LARS1: variants seen among roughly 807,000 people sequenced by gnomAD.
The protein encoded by LARS1 is leucine--tRNA ligase, cytoplasmic.
In LARS1, 100 loss-of-function variants were observed where a neutral mutation model predicts 162.8. The observed-to-expected ratio is 0.61, with a 90% CI of 0.52 to 0.73. The LOEUF is 0.73. LARS1 is among the 30% of genes least tolerant of loss of function. The probability of loss-of-function intolerance (pLI) is 0.00; values close to 1 mark genes in which losing one functional copy is unlikely to be tolerated. For missense variants in LARS1, 1,258 were observed against 1,408.9 expected (o/e 0.89, Z 1.71); for synonymous variants, 457 against 462.8 (o/e 0.99, Z 0.16).
chr5:146,152,036 C>G (rs751257546), intron 13 of LARS1, 34 bp from the exon 14 acceptor site: 48 of 1,611,694 alleles, frequency 3.0e-5, no homozygotes, highest in Non-Finnish European at 4.1e-5. Flanking sequence ...CGTGTTCACA[C>G]TGACTGGACA....
At chr5:146,127,903 T>A (rs956642985) in intron 27 of LARS1, among the ~76,000 whole-genome samples, 6 of 152,148 alleles carry the variant, frequency 3.9e-5, no homozygotes, top group Non-Finnish European at 1.5e-5. Flanking sequence ...TGGTCTAGAA[T>A]ATCAAAGCTA....
At chr5:146,161,652 C>T (rs1377894567) in intron 6 of LARS1, among the ~76,000 whole-genome samples, 1 of 151,846 alleles carries the variant, frequency 6.6e-6, no homozygotes, top group Non-Finnish European at 1.5e-5. Flanking sequence ...ACTAGGGAGG[C>T]TGAGGCAGGA....
chr5:146,130,121 C>A lies in LARS1; in HGVS notation c.2525G>T (p.Gly842Val), dbSNP rs1752215261. 1.2e-6 allele frequency: 2 copies of A among 1,613,690 alleles called. No homozygotes were observed. The highest frequency in any genetic ancestry group is 1.7e-6 in the Non-Finnish European group (2 of 1,179,766). ...KDKYRELAVE[G>V]MHRELVFRFI... ...CCGGAACACAAGTTCTCTGTGCATC[C>A]CTTCCACAGCCAATTCACGGTACTT... is the stretch of plus-strand genomic sequence containing the variant. The change falls in exon 25 of 32, where the codon GGG (glycine) becomes GTG (valine). Residue 842 changes from glycine (G) to valine (V), a missense_variant. Physicochemically the swap from Gly to Val is moderately radical, Grantham distance 109. Transcript: ENST00000394434.
intron 15 of LARS1, among the ~76,000 whole-genome samples, chr5:146,145,326 C>G (rs1344915482): frequency 2.0e-5 from 3 of 152,062 alleles, no homozygotes; most frequent in African/African-American, 7.2e-5. Context: ...CTCAAGTATT[C>G]CACCTCAGCC....
chr5:146,169,981 C>G (rs530406108), intron 4 of LARS1, among the ~76,000 whole-genome samples: 1 of 152,020 alleles, frequency 6.6e-6, no homozygotes, highest in Non-Finnish European at 1.5e-5. Flanking sequence ...AAGTTAATAC[C>G]TCAACAATGA....
chr5:146,139,362 A>G (rs918124869), intron 21 of LARS1, among the ~76,000 whole-genome samples: 24 of 88,982 alleles, frequency 2.7e-4, no homozygotes, highest in African/African-American at 7.3e-4. Flanking sequence ...AAAAAAAAAG[A>G]AAAAGAAAAA....
chr5:146,117,814 A>C (rs1405216598), intron 31 of LARS1, among the ~76,000 whole-genome samples: 1 of 152,252 alleles, frequency 6.6e-6, no homozygotes, highest in Non-Finnish European at 1.5e-5. Flanking sequence ...TAAGTGAAAT[A>C]AGCTAGACAC....
intron 2 of LARS1, among the ~76,000 whole-genome samples, chr5:146,176,562 C>T (rs996331133): frequency 1.3e-5 from 2 of 151,786 alleles, no homozygotes; most frequent in Admixed American, 6.6e-5. Flanking sequence ...TGTTAACTTA[C>T]TATTATTGTT....
chr5:146,133,229 A>C, intron 22 of LARS1, 148 bp from the exon 23 acceptor site: 1 of 573,716 alleles, frequency 1.7e-6, no homozygotes, highest in South Asian at 3.2e-5. Flanking sequence ...AACAAAAATT[A>C]AAATCACCAA....
chr5:146,122,513 T>C lies in LARS1; in HGVS notation c.3171A>G (p.Pro1057=). 6.2e-7 allele frequency: 1 copy of C among 1,602,562 alleles called. No individual in the cohort carries two copies. The highest frequency in any genetic ancestry group is 1.7e-5 in the Admixed American group (1 of 59,610). ...TTACTTCTATTCTAAAAACATTAAG[T>C]GGTTTCCCAGGACAGCAGTCTTCCC... ...KIREDCCPGK[P]LNVFRIEPGV... is the part of the protein sequence containing the mutation. Residue 1057 remains proline, a synonymous_variant, in exon 30 of 32, where the codon CCA becomes CCG. Transcript: ENST00000394434.
rs181727146 is a variant in LARS1, at chr5:146,175,471, G to A, written c.125+2076C>T. On this transcript the variant is annotated intron_variant, in intron 2 of 31. Transcript: ENST00000394434. ...GGCAGAAAAATCATTGAACCCGGGA[G>A]GCAGAGGTTGCAGTGAGCCGAGATC... Among the ~76,000 whole-genome samples the A allele has an allele frequency of 3.5e-4, 53 of 150,468 alleles. 1 individual carries two copies. The East Asian group carries it at 9.9e-3, about 28-fold the overall frequency.
chr5:146,124,261 T>G (rs1250141901), intron 28 of LARS1, among the ~76,000 whole-genome samples, 175 bp from the exon 29 acceptor site: 1 of 151,920 alleles, frequency 6.6e-6, no homozygotes. Flanking sequence ...TTAATGAAAT[T>G]TACTAGCTCC....
At chr5:146,157,288 T>G (rs896238462) in intron 10 of LARS1, 115 bp downstream of exon 10, 8 of 845,822 alleles carry the variant, frequency 9.5e-6, no homozygotes, top group African/African-American at 3.4e-5. Flanking sequence ...ACTTACACAG[T>G]TTACTGCATG....
intron 1 of LARS1, among the ~76,000 whole-genome samples, chr5:146,179,110 T>C (rs1754722383): frequency 6.6e-6 from 1 of 152,096 alleles, no homozygotes; most frequent in South Asian, 2.1e-4. Context: ...CATGCGCCTA[T>C]AATCTCAGCT....
chr5:146,153,340 T>C, intron 12 of LARS1, 113 bp from the exon 13 acceptor site: 1 of 784,622 alleles, frequency 1.3e-6, no homozygotes, highest in Admixed American at 2.3e-5. Flanking sequence ...CTATTTGTTC[T>C]CCTCTCCATA....
intron 5 of LARS1, among the ~76,000 whole-genome samples, chr5:146,165,335 A>AAAC (rs903971628): frequency 4.6e-5 from 7 of 151,988 alleles, no homozygotes; most frequent in African/African-American, 1.7e-4. Flanking sequence ...ACTCCATCTC[A>AAAC]AACAACAACA....
At position 146,144,659 on chromosome 5, in the gene LARS1, C is replaced by T. The variant is rs148668702; in HGVS notation, c.1554G>A (p.Ser518=). ...MEPEKQVMSR[S]SDECVVALCD... is the part of the protein sequence containing the mutation. ...ACAGAGCCACAACACATTCATCTGA[C>T]GACCTGGACATCACTTGTTTCTCTG... Residue 518 remains serine (S), a synonymous_variant, in exon 16 of 32, where the codon TCG becomes TCA. Coordinates refer to ENST00000394434, the MANE Select transcript of LARS1 (RefSeq NM_020117.11). 24 of 1,614,062 alleles carry T rather than the reference C, an allele frequency of 1.5e-5. No homozygotes were observed. The highest frequency in any genetic ancestry group is 9.3e-5 in the African/African-American group (7 of 75,018).
chr5:146,121,882 G>A (rs757385371), intron 30 of LARS1, among the ~76,000 whole-genome samples: 11 of 152,040 alleles, frequency 7.2e-5, no homozygotes, highest in African/African-American at 1.7e-4. Context: ...TGTAGATGAC[G>A]GGTAGATGGG....
rs1193376739 is a variant in LARS1, at chr5:146,160,465, T to C, written c.616A>G (p.Ile206Val). The change falls in exon 7 of 32, where the codon ATC (isoleucine) becomes GTC (valine). Residue 206 changes from isoleucine to valine, a missense_variant. Ile to Val is a conservative substitution (Grantham distance 29). Transcript: ENST00000394434. ...TAGTAAGGATTAACATCAGTGGTGA[T>C]GAAGGAACGACGCCAGTCTACCTAT... ...GLKVDWRRSF[I>V]TTDVNPYYDS... The C allele has an allele frequency of 7.1e-6, 11 of 1,560,236 alleles. No homozygotes were observed. The African/African-American group carries it at 1.2e-4, about 18-fold the overall frequency.
Sources: gnomAD v4.1 joint callset for allele counts (sites outside exome capture counted in the v4.1 genomes callset) on GRCh38, gnomAD v4.1.1 for gene constraint, MANE v1.5 for transcripts, NCBI Gene and HGNC (gene_info 2026-07-23, HGNC 2026-07-21) for gene names.